ADAMTS16: variants seen among roughly 807,000 people sequenced by gnomAD.
ADAMTS16 encodes ADAM metallopeptidase with thrombospondin type 1 motif 16.
Under a neutral mutation model 145.8 loss-of-function variants are expected in ADAMTS16, and 94 were observed. The ratio of observed to expected loss-of-function variants is 0.64; its 90% confidence interval spans 0.55 to 0.77. The LOEUF (loss-of-function observed/expected upper bound fraction) is 0.77. ADAMTS16 is among the 30% of genes least tolerant of loss of function. The probability of loss-of-function intolerance (pLI) is 0.00; values close to 1 mark genes in which losing one functional copy is unlikely to be tolerated. For synonymous variants in ADAMTS16, 659 were observed against 604.3 expected (o/e 1.09, Z -1.33); for missense variants, 1,585 against 1,591.5 (o/e 1.00, Z 0.07).
At chr5:5,212,049 T>A (rs1736283090) in intron 10 of ADAMTS16, among the ~76,000 whole-genome samples, 1 of 152,188 alleles carries the variant, frequency 6.6e-6, no homozygotes, top group Non-Finnish European at 1.5e-5. Context: ...TAACTGTTTT[T>A]TAAATAATAT....
chr5:5,208,054 T>C (rs1177351612), intron 9 of ADAMTS16, among the ~76,000 whole-genome samples: 2 of 152,198 alleles, frequency 1.3e-5, no homozygotes, highest in Non-Finnish European at 2.9e-5. Context: ...TTAGAAAGTA[T>C]TCCCTCTGCT....
chr5:5,259,474 G>A (rs766446260), intron 17 of ADAMTS16, among the ~76,000 whole-genome samples: 1 of 152,238 alleles, frequency 6.6e-6, no homozygotes, highest in Non-Finnish European at 1.5e-5. Flanking sequence ...GTTAAGGATA[G>A]GCCAGGAGAA....
chr5:5,199,524 C>A (rs1387775248), intron 8 of ADAMTS16, among the ~76,000 whole-genome samples: 2 of 152,192 alleles, frequency 1.3e-5, no homozygotes, highest in Non-Finnish European at 1.5e-5. Flanking sequence ...CAAGCACAGC[C>A]CGCCCATCAC....
intron 12 of ADAMTS16, among the ~76,000 whole-genome samples, chr5:5,233,886 A>G (rs1019915140): frequency 1.3e-5 from 2 of 152,164 alleles, no homozygotes; most frequent in African/African-American, 4.8e-5. Flanking sequence ...GTCAAATGAT[A>G]TTTCTTTTTG....
chr5:5,258,400 C>T (rs1015310309), intron 17 of ADAMTS16, among the ~76,000 whole-genome samples: 1 of 152,210 alleles, frequency 6.6e-6, no homozygotes, highest in Non-Finnish European at 1.5e-5. Context: ...TCAGCAGTAG[C>T]AACTGAGCCT....
At chr5:5,194,702 A>G (rs1471918929) in intron 8 of ADAMTS16, among the ~76,000 whole-genome samples, 1 of 152,194 alleles carries the variant, frequency 6.6e-6, no homozygotes, top group Non-Finnish European at 1.5e-5. Flanking sequence ...GTATTTAGTG[A>G]GTTTTATTTT....
At chr5:5,153,992 C>G (rs1323083803) in intron 3 of ADAMTS16, among the ~76,000 whole-genome samples, 1 of 151,948 alleles carries the variant, frequency 6.6e-6, no homozygotes, top group Non-Finnish European at 1.5e-5. Context: ...TTATTTCTAC[C>G]CACAAACTCC....
intron 14 of ADAMTS16, among the ~76,000 whole-genome samples, chr5:5,238,648 A>G (rs931363286): frequency 2.6e-5 from 4 of 152,232 alleles, no homozygotes; most frequent in African/African-American, 9.6e-5. Context: ...ACAAACAAAC[A>G]TCAGAGTAAT....
At chr5:5,237,187 A>G (rs1737134550) in intron 14 of ADAMTS16, 88 bp downstream of exon 14, 2 of 1,399,602 alleles carry the variant, frequency 1.4e-6, no homozygotes, top group Admixed American at 2.1e-5. Context: ...AAGACTGGAC[A>G]TATGAGACAA....
At chr5:5,142,739 G>A (rs1180166821) in intron 2 of ADAMTS16, among the ~76,000 whole-genome samples, 1 of 152,152 alleles carries the variant, frequency 6.6e-6, no homozygotes, top group African/African-American at 2.4e-5. Flanking sequence ...GGTGGCTGAA[G>A]TAATTACAAA....
intron 17 of ADAMTS16, 100 bp from the exon 18 acceptor site, chr5:5,262,557 G>A (rs1738069334): frequency 2.7e-6 from 4 of 1,503,180 alleles, no homozygotes; most frequent in Middle Eastern, 1.8e-4. Flanking sequence ...ATGCCAGTAT[G>A]GCTAAGATTC....
chr5:5,158,420 G>C (rs1734656584), intron 3 of ADAMTS16, among the ~76,000 whole-genome samples: 1 of 152,124 alleles, frequency 6.6e-6, no homozygotes, highest in Non-Finnish European at 1.5e-5. Context: ...AAGAGTCTCT[G>C]TATCTACAGA....
chr5:5,262,483 T>G (rs552854740), intron 17 of ADAMTS16, among the ~76,000 whole-genome samples, 174 bp from the exon 18 acceptor site: 1 of 152,370 alleles, frequency 6.6e-6, no homozygotes, highest in South Asian at 2.1e-4. Context: ...GAATTACAAC[T>G]TATGAAGACA....
At chr5:5,204,110 A>G (rs755537779) in intron 9 of ADAMTS16, among the ~76,000 whole-genome samples, 1 of 152,140 alleles carries the variant, frequency 6.6e-6, no homozygotes, top group Non-Finnish European at 1.5e-5. Flanking sequence ...GAATCAGTTC[A>G]TGTCTTGTTC....
chr5:5,210,474 CAT>C lies in ADAMTS16; in HGVS notation c.1605+1229_1605+1230del, dbSNP rs976010582. On this transcript the variant is annotated intron_variant, in intron 10 of 22. Transcript: ENST00000274181. ...TTGAATTTTAACAAATGTATTCTCA[CAT>C]GTTACTGGCATCTTAATCAAGACAC... 1.6e-4 allele frequency among the ~76,000 whole-genome samples: 24 copies of C among 152,304 alleles called. No individual in the cohort carries two copies. In the South Asian group the frequency reaches 2.5e-3, roughly 16 times the overall value.
At chr5:5,212,802 A>G (rs1187659877) in intron 10 of ADAMTS16, among the ~76,000 whole-genome samples, 1 of 152,170 alleles carries the variant, frequency 6.6e-6, no homozygotes, top group African/African-American at 2.4e-5. Context: ...TATATAGTAG[A>G]TTTCAATCTA....
Position 5,186,204 on chromosome 5 carries a change from C to A in ADAMTS16, c.916C>A (p.His306Asn). Residue 306 changes from histidine (H) to asparagine (N), a missense_variant, in exon 5 of 23, where the codon CAT (histidine) becomes AAT (asparagine). Physicochemically the swap from His to Asn is moderately conservative, Grantham distance 68 (BLOSUM62 1). Around this residue, in one of 3 missense-constraint regions of ADAMTS16, gnomAD observed 453 missense variants for 412.1 expected, o/e 1.10. Transcript: ENST00000274181. ...VVVDKKMMQN[H>N]GHENITTYVL... ...GGTCGACAAAAAGATGATGCAAAAC[C>A]ATGGCCATGAAAATATCACCACCTA... is the stretch of plus-strand genomic sequence containing the variant. 1.2e-6 allele frequency: 2 copies of A among 1,613,910 alleles called. No individual in the cohort carries two copies. Among genetic ancestry groups the A allele is most frequent in the South Asian group, 1.1e-5 (1 of 91,076 alleles).
At position 5,249,015 on chromosome 5, in the gene ADAMTS16, G is replaced by A. The variant is rs192449398; in HGVS notation, c.2662+6824G>A. 7.7e-4 allele frequency among the ~76,000 whole-genome samples: 117 copies of A among 152,316 alleles called. 1 individual carries two copies. The highest frequency in any genetic ancestry group is 3.4e-3 in the Middle Eastern group (1 of 294). ...GAGAGATTGGCTTACATAATTCACT[G>A]AATGCAAGCTAAAGAAACAGGATAA... On this transcript the variant is annotated intron_variant, in intron 17 of 22. Coordinates refer to ENST00000274181, the MANE Select transcript of ADAMTS16 (RefSeq NM_139056.4).
intron 11 of ADAMTS16, among the ~76,000 whole-genome samples, chr5:5,227,343 A>C (rs1333023519): frequency 1.3e-5 from 2 of 152,234 alleles, no homozygotes; most frequent in African/African-American, 2.4e-5. Context: ...CTTTTTCATA[A>C]GTCATCGTAT....
Sources: allele counts gnomAD v4.1 joint callset (sites outside exome capture counted in the v4.1 genomes callset), GRCh38; gene constraint gnomAD v4.1.1; regional missense constraint gnomAD v4.1.1; transcripts MANE v1.5; gene names NCBI Gene and HGNC (gene_info 2026-07-23, HGNC 2026-07-21).